KIAA1217: variants seen among roughly 807,000 people sequenced by gnomAD.
KIAA1217 encodes KIAA1217, also known as sickle tail protein homolog.
KIAA1217 carries 88 observed loss-of-function variants against 163.9 expected under a neutral mutation model. The observed-to-expected ratio is 0.54, with a 90% confidence interval of 0.45 to 0.64. The LOEUF (loss-of-function observed/expected upper bound fraction) is 0.64, where lower values mean the gene tolerates loss of function less well. KIAA1217 is among the 30% of genes least tolerant of loss of function. The pLI, the probability that KIAA1217 is intolerant of heterozygous loss-of-function variation, is 0.00. For synonymous variants in KIAA1217, 903 were observed against 923.1 expected, an observed-to-expected ratio of 0.98 and a Z score of 0.39; for missense variants, 2,372 against 2,475.0, an observed-to-expected ratio of 0.96 and a Z score of 0.88.
chr10:24,472,468 A>G (rs1235965224), intron 5 of KIAA1217, among the ~76,000 whole-genome samples: 2 of 152,182 alleles, frequency 1.3e-5, no homozygotes, highest in Admixed American at 1.3e-4. Flanking sequence ...GATGGGAAAC[A>G]TGGTTACTAT....
chr10:23,756,583 A>G (rs1833933485), intron 1 of KIAA1217, among the ~76,000 whole-genome samples: 1 of 152,212 alleles, frequency 6.6e-6, no homozygotes, highest in Non-Finnish European at 1.5e-5. Context: ...AACTTATGGC[A>G]TGTTACTAAT....
intron 2 of KIAA1217, among the ~76,000 whole-genome samples, chr10:24,302,200 C>CTAAGTGA (rs2041446737): frequency 6.6e-6 from 1 of 152,216 alleles, no homozygotes; most frequent in South Asian, 2.1e-4. Flanking sequence ...TTAGCACCCT[C>CTAAGTGA]CACCTAGCAA....
intron 5 of KIAA1217, among the ~76,000 whole-genome samples, chr10:24,446,604 A>C (rs1265190919): frequency 6.6e-6 from 1 of 152,170 alleles, no homozygotes; most frequent in Non-Finnish European, 1.5e-5. Flanking sequence ...CTCCTAGCTG[A>C]TAATCTATTT....
At chr10:24,231,868 G>A (rs552042739) in intron 2 of KIAA1217, among the ~76,000 whole-genome samples, 15 of 150,858 alleles carry the variant, frequency 9.9e-5, no homozygotes, top group African/African-American at 2.4e-4. Context: ...GCATGATCTC[G>A]GCTCACTGCA....
At chr10:24,310,430 A>T (rs1356473426) in intron 2 of KIAA1217, among the ~76,000 whole-genome samples, 2 of 152,244 alleles carry the variant, frequency 1.3e-5, no homozygotes. Context: ...AAGCCTTAGG[A>T]ACAAAGATGA....
At chr10:24,276,608 CTT>C (rs35622932) in intron 2 of KIAA1217, among the ~76,000 whole-genome samples, 43,792 of 137,828 alleles carry the variant, frequency 0.32, 7,292 homozygotes, top group Admixed American at 0.46. Context: ...TCAAGTCCAG[CTT>C]TTTTTTTTTT....
rs764649480 is a variant in KIAA1217, at chr10:24,527,988, G to T, written c.2951G>T (p.Gly984Val). The T allele has an allele frequency of 2.5e-6, 4 of 1,614,122 alleles. No homozygotes were observed. The highest frequency in any genetic ancestry group is 3.4e-6 in the Non-Finnish European group (4 of 1,180,020). ...EKRQNLDHYN[G>V]KEFEKLLEEA... is the part of the protein sequence containing the mutation. ...AGGCAAAATCTGGATCACTATAATG[G>T]GAAAGAGTTTGAGAAGCTCCTAGAA... is the stretch of plus-strand genomic sequence containing the variant. Residue 984 changes from glycine to valine, a missense_variant, in exon 14 of 21, where the codon GGG becomes GTG. Gly to Val is a moderately radical substitution (Grantham distance 109). Coordinates refer to ENST00000376454, the MANE Select transcript of KIAA1217 (RefSeq NM_019590.5).
intron 3 of KIAA1217, among the ~76,000 whole-genome samples, chr10:24,418,976 A>G (rs1290809282): frequency 6.6e-6 from 1 of 152,138 alleles, no homozygotes; most frequent in Non-Finnish European, 1.5e-5. Context: ...CAGGAGTTTG[A>G]GACCATCCTG....
At chr10:24,157,963 C>T (rs946911184) in intron 2 of KIAA1217, 8 of 731,380 alleles carry the variant, frequency 1.1e-5, no homozygotes, top group Non-Finnish European at 2.0e-5. Flanking sequence ...ATTTGCCAGC[C>T]CTGGTGACTC....
chr10:24,540,425 G>T (rs2135401212), intron 17 of KIAA1217, among the ~76,000 whole-genome samples: 1 of 152,078 alleles, frequency 6.6e-6, no homozygotes, highest in South Asian at 2.1e-4. Context: ...GTAGAGACAG[G>T]GTTTCACCAT....
intron 1 of KIAA1217, among the ~76,000 whole-genome samples, chr10:23,776,265 T>C (rs1373841277): frequency 6.6e-6 from 1 of 151,972 alleles, no homozygotes; most frequent in Non-Finnish European, 1.5e-5. Context: ...CTGGTAACAG[T>C]GTAGTTTATA....
chr10:24,322,275 C>A (rs1230196972), intron 2 of KIAA1217, among the ~76,000 whole-genome samples: 1 of 152,078 alleles, frequency 6.6e-6, no homozygotes, highest in East Asian at 1.9e-4. Flanking sequence ...TTTAAAAAAG[C>A]AAATCTACAG....
intron 1 of KIAA1217, among the ~76,000 whole-genome samples, chr10:23,948,764 G>T (rs976575017): frequency 1.3e-5 from 2 of 151,934 alleles, no homozygotes; most frequent in Non-Finnish European, 2.9e-5. Context: ...TCAATGCAAT[G>T]GTTCAATAAA....
At chr10:24,544,941 C>G (rs1263330782) in intron 19 of KIAA1217, 40 bp from the exon 20 acceptor site, 2 of 1,604,564 alleles carry the variant, frequency 1.2e-6, no homozygotes, top group African/African-American at 2.7e-5. Context: ...TACTCATGCG[C>G]TTCTCCTTCT....
intron 2 of KIAA1217, among the ~76,000 whole-genome samples, chr10:24,261,952 A>T (rs1225726970): frequency 6.6e-6 from 1 of 152,230 alleles, no homozygotes; most frequent in Non-Finnish European, 1.5e-5. Flanking sequence ...ACTCGATTTC[A>T]CAGAAAACCC....
chr10:24,282,044 G>A (rs775412556), intron 2 of KIAA1217, among the ~76,000 whole-genome samples: 2 of 151,856 alleles, frequency 1.3e-5, no homozygotes, highest in African/African-American at 2.4e-5. Context: ...GTGACAGAGC[G>A]AGACTCCATC....
chr10:24,382,177 A>G (rs2053406102), intron 3 of KIAA1217, among the ~76,000 whole-genome samples: 1 of 151,876 alleles, frequency 6.6e-6, no homozygotes, highest in African/African-American at 2.4e-5. Flanking sequence ...TAAGGTTCTG[A>G]TTTGGGTACT....
intron 2 of KIAA1217, among the ~76,000 whole-genome samples, chr10:24,034,008 A>T (rs1171120028): frequency 6.6e-6 from 1 of 152,252 alleles, no homozygotes; most frequent in Non-Finnish European, 1.5e-5. Context: ...AAGTAAAAAA[A>T]CTGGATTAAG....
At chr10:24,363,636 A>G (rs936675421) in intron 2 of KIAA1217, among the ~76,000 whole-genome samples, 1 of 151,046 alleles carries the variant, frequency 6.6e-6, no homozygotes, top group Non-Finnish European at 1.5e-5. Flanking sequence ...CAGTGGCACA[A>G]TCTCAGTTCA....
Sources: allele counts gnomAD v4.1 joint callset (sites outside exome capture counted in the v4.1 genomes callset), GRCh38; gene constraint gnomAD v4.1.1; transcripts MANE v1.5; gene names NCBI Gene and HGNC (gene_info 2026-07-23, HGNC 2026-07-21).